Variants in BCO1 observed in about 807,000 individuals in gnomAD.
BCO1 encodes beta,beta-carotene 15,15'-dioxygenase.
In BCO1, 54 loss-of-function variants were observed where a neutral mutation model predicts 56.3. The ratio of observed to expected loss-of-function variants is 0.96; its 90% CI spans 0.77 to 1.20. The LOEUF (loss-of-function observed/expected upper bound fraction) is 1.20. Ranked by LOEUF, BCO1 falls within the 50% of genes most tolerant of loss-of-function variation. The pLI is 0.00. For synonymous variants in BCO1, 318 were observed against 266.1 expected, an observed-to-expected ratio of 1.20 and a Z score of -1.90; for missense variants, 801 against 690.9, an observed-to-expected ratio of 1.16 and a Z score of -1.79.
At position 81,270,376 on chromosome 16, in the gene BCO1, C is replaced by T. The variant is rs1392709380; in HGVS notation, c.1061C>T (p.Pro354Leu). The T allele has an allele frequency of 2.5e-6, 4 of 1,614,076 alleles. No individual in the cohort carries two copies. The highest frequency in any genetic ancestry group is 3.4e-6 in the Non-Finnish European group (4 of 1,180,020). Reference sequence around the variant, plus strand: ...GAGAACTCCAGGCTCACCTCGGTCCCCACCCTCAGGAGGTTTGCCGTGCCC... The same window carrying T: ...GAGAACTCCAGGCTCACCTCGGTCCTCACCCTCAGGAGGTTTGCCGTGCCC... ...FKENSRLTSVPTLRRFAVPLH... is the reference protein window; with the variant it reads ...FKENSRLTSVLTLRRFAVPLH... Residue 354 changes from proline to leucine, a missense_variant, in exon 7 of 11, where the codon CCC becomes CTC. Physicochemically the swap from Pro to Leu is moderately conservative, Grantham distance 98. Transcript: ENST00000258168.
intron 2 of BCO1, among the ~76,000 whole-genome samples, chr16:81,248,405 C>CAA (rs372084002): frequency 0.37 from 38,316 of 102,718 alleles, 7,459 homozygotes; most frequent in Middle Eastern, 0.43. Context: ...CTCCCTCTCA[C>CAA]AAAAAAAAAA....
intron 2 of BCO1, among the ~76,000 whole-genome samples, chr16:81,256,280 G>C (rs1906132312): frequency 6.6e-6 from 1 of 152,084 alleles, no homozygotes; most frequent in South Asian, 2.1e-4. Flanking sequence ...CTTTTCCTAA[G>C]ATATCAAAAG....
At chr16:81,288,029 G>T (rs956745392) in intron 10 of BCO1, among the ~76,000 whole-genome samples, 1 of 152,022 alleles carries the variant, frequency 6.6e-6, no homozygotes, top group African/African-American at 2.4e-5. Flanking sequence ...CCACTGTAAG[G>T]GTAGACTGCC....
intron 2 of BCO1, 121 bp downstream of exon 2, chr16:81,245,724 C>G (rs1905366516): frequency 7.6e-7 from 1 of 1,310,630 alleles, no homozygotes; most frequent in Admixed American, 2.0e-5. Flanking sequence ...TCGGGTCTCA[C>G]TGAACTGAAA....
chr16:81,274,831 T>C (rs564654891), intron 7 of BCO1, among the ~76,000 whole-genome samples: 229 of 149,584 alleles, frequency 1.5e-3, no homozygotes, highest in Non-Finnish European at 2.8e-3. Flanking sequence ...TGAGCTGAGA[T>C]CCCACCACTG....
chr16:81,270,353 G>T lies in BCO1; in HGVS notation c.1038G>T (p.Glu346Asp). 6.2e-7 allele frequency: 1 copy of T among 1,614,046 alleles called. No individual in the cohort carries two copies. Among genetic ancestry groups the T allele is most frequent in the African/African-American group, 1.3e-5 (1 of 75,002 alleles). The change falls in exon 7 of 11, where the codon GAG becomes GAT. Residue 346 changes from glutamate (E) to aspartate (D), a missense_variant. Coordinates refer to ENST00000258168, the MANE Select transcript of BCO1 (RefSeq NM_017429.3). ...YLANLNQDFK[E>D]NSRLTSVPTL... ...CCAACCTGAACCAGGACTTCAAGGA[G>T]AACTCCAGGCTCACCTCGGTCCCCA...
intron 4 of BCO1, chr16:81,262,709 T>A (rs981205475): frequency 3.2e-6 from 1 of 308,022 alleles, no homozygotes; most frequent in African/African-American, 2.2e-5. Context: ...GTGCCTGTAA[T>A]CCCAGCTACT....
chr16:81,262,733 A>T (rs1906564811), intron 4 of BCO1: 1 of 277,948 alleles, frequency 3.6e-6, no homozygotes. Flanking sequence ...AGGCTGAGGC[A>T]GGAGAATCGC....
Position 81,252,738 on chromosome 16 carries a change from G to T in BCO1, c.194-6938G>T, listed in dbSNP as rs142112028. Among the ~76,000 whole-genome samples, 515 of 152,280 alleles carry T rather than the reference G, an allele frequency of 3.4e-3. 4 individuals are homozygous for T. The highest frequency in any genetic ancestry group is 0.012 in the African/African-American group (492 of 41,574). ...TAGCTGAGGACCAGTGAGTATGTGT[G>T]GCCTTGCTCACCCACAGATGAGTCC... On this transcript the variant is annotated intron_variant, in intron 2 of 10. Coordinates refer to ENST00000258168, the MANE Select transcript of BCO1 (RefSeq NM_017429.3).
At chr16:81,278,903 C>G (rs1907709080) in intron 7 of BCO1, among the ~76,000 whole-genome samples, 2 of 151,696 alleles carry the variant, frequency 1.3e-5, no homozygotes, top group South Asian at 4.1e-4. Flanking sequence ...CCTTGCGGTT[C>G]AGCTGCTAAG....
chr16:81,252,145 C>T (rs555705188), intron 2 of BCO1, among the ~76,000 whole-genome samples: 62 of 152,154 alleles, frequency 4.1e-4, no homozygotes, highest in Non-Finnish European at 6.9e-4. Flanking sequence ...TGCTCTGGGG[C>T]TGGATGTTTA....
chr16:81,280,839 A>G lies in BCO1; in HGVS notation c.1102-18A>G, dbSNP rs1415507927. 6.3e-7 allele frequency: 1 copy of G among 1,591,492 alleles called. No homozygotes were observed. Among genetic ancestry groups the G allele is most frequent in the Non-Finnish European group, 8.6e-7 (1 of 1,159,264 alleles). On this transcript the variant is annotated intron_variant, in intron 7 of 10. Coordinates refer to ENST00000258168, the MANE Select transcript of BCO1 (RefSeq NM_017429.3). ...TTACACGTTTTTATTTTACTTTTTG[A>G]AAACTGAATTTTTTCAGAATGCAGA... is the stretch of plus-strand genomic sequence containing the variant.
At chr16:81,252,550 C>A (rs1905874616) in intron 2 of BCO1, among the ~76,000 whole-genome samples, 1 of 152,174 alleles carries the variant, frequency 6.6e-6, no homozygotes, top group Admixed American at 6.5e-5. Context: ...GCCACAGCAC[C>A]CAGCCAATAT....
At chr16:81,285,721 T>A in intron 9 of BCO1, 87 bp downstream of exon 9, 3 of 1,044,308 alleles carry the variant, frequency 2.9e-6, no homozygotes, top group Non-Finnish European at 4.5e-6. Context: ...AGACGTTGAT[T>A]AGAAAAGAGG....
chr16:81,287,257 A>T, intron 9 of BCO1, 38 bp from the exon 10 acceptor site: 2 of 1,446,970 alleles, frequency 1.4e-6, no homozygotes, highest in Non-Finnish European at 1.9e-6. Context: ...ATTCTCTCAA[A>T]CAAGTCATTT....
Position 81,290,320 on chromosome 16 carries a change from G to C in BCO1, c.1415-28G>C, listed in dbSNP as rs753070364. ...CTCCGACTGAAGCCTGCACTTTTAC[G>C]AAGTGTTTTTTTTCTGTTTCCCTAA... On this transcript the variant is annotated intron_variant, in intron 10 of 10. Transcript: ENST00000258168. The C allele has an allele frequency of 1.4e-5, 22 of 1,578,120 alleles. 1 individual carries two copies. In the Admixed American group the frequency reaches 1.7e-4, roughly 12 times the overall value.
intron 4 of BCO1, chr16:81,263,870 G>A (rs1906647861): frequency 6.6e-6 from 1 of 152,382 alleles, no homozygotes; most frequent in African/African-American, 2.4e-5. Context: ...TTTCTTAGCT[G>A]TGAAATTATG....
chr16:81,265,242 C>A (rs1906739771), intron 5 of BCO1, among the ~76,000 whole-genome samples: 1 of 151,190 alleles, frequency 6.6e-6, no homozygotes, highest in African/African-American at 2.4e-5. Context: ...CACCTATCCA[C>A]CCCTTATCTA....
At position 81,280,964 on chromosome 16, in the gene BCO1, T is replaced by C. The variant is rs1555506317; in HGVS notation, c.1207+2T>C. ...GCCAGCCGGAATTTCTTTATGAAGG[T>C]AAAATGCATCCTCTTGTCCTGAGTT... On this transcript the variant is annotated splice_donor_variant, in intron 8 of 10. Transcript: ENST00000258168. LOFTEE classifies it high-confidence loss of function. The C allele has an allele frequency of 1.3e-5, 21 of 1,605,972 alleles. No individual in the cohort carries two copies. The highest frequency in any genetic ancestry group is 1.8e-5 in the Non-Finnish European group (21 of 1,172,604).
Sources: gnomAD v4.1 joint callset for allele counts (sites outside exome capture counted in the v4.1 genomes callset) on GRCh38, gnomAD v4.1.1 for gene constraint, MANE v1.5 for transcripts, NCBI Gene and HGNC (gene_info 2026-07-23, HGNC 2026-07-21) for gene names.